MYO16: variants seen among roughly 807,000 people sequenced by gnomAD.
MYO16 encodes myosin XVI, also known as unconventional myosin-XVI.
MYO16 carries 94 observed loss-of-function variants against 205.3 expected under a neutral mutation model. The ratio of observed to expected loss-of-function variants is 0.46; its 90% confidence interval spans 0.39 to 0.54. The LOEUF is 0.54. Ranked by LOEUF, MYO16 falls within the 20% of genes least tolerant of loss-of-function variation. The pLI is 0.00. For synonymous variants in MYO16, 988 were observed against 954.0 expected, an observed-to-expected ratio of 1.04 and a Z score of -0.66; for missense variants, 2,315 against 2,387.5, an observed-to-expected ratio of 0.97 and a Z score of 0.63.
At chr13:109,050,988 A>G (rs1887229105) in intron 24 of MYO16, among the ~76,000 whole-genome samples, 1 of 152,158 alleles carries the variant, frequency 6.6e-6, no homozygotes, top group Non-Finnish European at 1.5e-5. Context: ...TTAGAAAAGA[A>G]TGGTATTCAG....
At chr13:109,169,995 A>G (rs61969366) in intron 33 of MYO16, among the ~76,000 whole-genome samples, 37,421 of 152,098 alleles carry the variant, frequency 0.25, 5,288 homozygotes, top group South Asian at 0.35. Flanking sequence ...AATTCCTGAT[A>G]GATTATAGAT....
At chr13:108,684,026 C>A (rs1882572051) in intron 2 of MYO16, among the ~76,000 whole-genome samples, 2 of 152,196 alleles carry the variant, frequency 1.3e-5, no homozygotes, top group African/African-American at 2.4e-5. Context: ...CAGACATGTG[C>A]CACCACACCC....
intron 33 of MYO16, among the ~76,000 whole-genome samples, chr13:109,174,908 C>CG (rs1879095958): frequency 7.4e-6 from 1 of 136,018 alleles, no homozygotes; most frequent in Non-Finnish European, 1.7e-5. Flanking sequence ...CATGCCACCA[C>CG]ATTTTTTTTT....
intron 12 of MYO16, among the ~76,000 whole-genome samples, chr13:108,875,394 A>G (rs1879277007): frequency 6.6e-6 from 1 of 152,188 alleles, no homozygotes; most frequent in African/African-American, 2.4e-5. Flanking sequence ...CATAAGTGGA[A>G]ATCCTCAAAG....
chr13:108,836,890 G>A (rs1303218289), intron 9 of MYO16, among the ~76,000 whole-genome samples: 3 of 152,120 alleles, frequency 2.0e-5, no homozygotes, highest in Non-Finnish European at 4.4e-5. Flanking sequence ...ATAGATGGTG[G>A]GGACTTACCT....
chr13:108,905,809 C>A (rs1207878944), intron 15 of MYO16, among the ~76,000 whole-genome samples: 1 of 152,136 alleles, frequency 6.6e-6, no homozygotes, highest in Non-Finnish European at 1.5e-5. Context: ...TTGTAAAGGA[C>A]TGGAAGACAT....
the MYO16 span, among the ~76,000 whole-genome samples, chr13:108,541,400 G>A: frequency 6.7e-6 from 1 of 149,906 alleles, no homozygotes; most frequent in African/African-American, 2.4e-5. Context: ...ATTAATTTTT[G>A]TATTTTATAA....
chr13:108,962,496 G>T lies in MYO16; in HGVS notation c.2227+1G>T. 6.4e-7 allele frequency: 1 copy of T among 1,568,290 alleles called. No individual in the cohort carries two copies. The highest frequency in any genetic ancestry group is 8.6e-7 in the Non-Finnish European group (1 of 1,158,950). On this transcript the variant is annotated splice_donor_variant, in intron 19 of 34. Transcript: ENST00000457511. LOFTEE classifies it high-confidence loss of function. ...ACAACTGATATTCAATATTTTAAAG[G>T]TAATTTTTTTATGCTCTAACATCTT...
chr13:108,772,999 T>A (rs1293725272), intron 4 of MYO16, among the ~76,000 whole-genome samples: 3 of 152,146 alleles, frequency 2.0e-5, no homozygotes, highest in African/African-American at 7.2e-5. Context: ...GGCTGGGAAA[T>A]CCAAGATCAA....
chr13:108,495,751 T>C, the MYO16 span, among the ~76,000 whole-genome samples: 2 of 150,254 alleles, frequency 1.3e-5, no homozygotes, highest in Non-Finnish European at 3.0e-5. Flanking sequence ...GCCGAGCGGG[T>C]GGCGGAGCAG....
At chr13:108,703,624 C>A (rs1467005552) in intron 2 of MYO16, among the ~76,000 whole-genome samples, 1 of 152,136 alleles carries the variant, frequency 6.6e-6, no homozygotes, top group African/African-American at 2.4e-5. Context: ...GTGCATGAAA[C>A]ATTCTCCAGG....
At chr13:108,886,579 TGCTGGCGGCTCCACC>T in intron 13 of MYO16, 1 of 438,902 alleles carries the variant, frequency 2.3e-6, no homozygotes, top group Non-Finnish European at 4.6e-6. Flanking sequence ...GGGCGCAAAC[TGCTGGCGGCTCCACC>T]CCCCGTCCTT....
intron 10 of MYO16, among the ~76,000 whole-genome samples, chr13:108,844,980 C>G (rs1219314324): frequency 6.6e-6 from 1 of 151,826 alleles, no homozygotes. Flanking sequence ...TGTCTGGTGC[C>G]TAAGTTATGG....
At chr13:108,995,789 A>G (rs959568441) in intron 21 of MYO16, among the ~76,000 whole-genome samples, 5 of 152,178 alleles carry the variant, frequency 3.3e-5, no homozygotes, top group African/African-American at 9.7e-5. Flanking sequence ...TTATGGCTGC[A>G]TAGTATTCCA....
At chr13:108,496,546 CG>C in the MYO16 span, among the ~76,000 whole-genome samples, 3 of 152,082 alleles carry the variant, frequency 2.0e-5, no homozygotes, top group African/African-American at 7.2e-5. Context: ...CAGTCTCACC[CG>C]GGGGGCGTCG....
At chr13:108,848,668 C>T (rs375023109) in intron 10 of MYO16, among the ~76,000 whole-genome samples, 6 of 151,994 alleles carry the variant, frequency 3.9e-5, no homozygotes, top group South Asian at 2.1e-4. Flanking sequence ...GGTTTGGTGG[C>T]GCAGGGCCTG....
rs1303052249 is a variant in MYO16 at position 109,162,359 on chromosome 13, A to C, written c.5165-2542A>C. 6.6e-6 allele frequency among the ~76,000 whole-genome samples: 1 copy of C among 152,174 alleles called. No homozygotes were observed. The highest frequency in any genetic ancestry group is 2.4e-5 in the African/African-American group (1 of 41,434). On this transcript the variant is annotated intron_variant, in intron 32 of 34. Transcript: ENST00000457511. The surrounding 1 kb of genome is among the most constrained non-coding windows in gnomAD (Gnocchi z 4.6). ...TTGGGGAAGCCCTCACTGCGCTGAG[A>C]ATAAAACCTCTCAGTTCCTCTTTGG... is the stretch of plus-strand genomic sequence containing the variant.
chr13:108,542,786 G>T, the MYO16 span, among the ~76,000 whole-genome samples: 1 of 151,924 alleles, frequency 6.6e-6, no homozygotes, highest in Non-Finnish European at 1.5e-5. Context: ...CTGGAATAAA[G>T]CCATGAATCA....
intron 9 of MYO16, among the ~76,000 whole-genome samples, chr13:108,829,710 C>T (rs1876492745): frequency 6.6e-6 from 1 of 152,124 alleles, no homozygotes; most frequent in Non-Finnish European, 1.5e-5. Context: ...CCCAGGGTGG[C>T]CTCAGCCAAG....
Sources: gnomAD v4.1 joint callset for allele counts (sites outside exome capture counted in the v4.1 genomes callset) on GRCh38, gnomAD v4.1.1 for gene constraint, Gnocchi (gnomAD v3.1) non-coding constraint, MANE v1.5 for transcripts, NCBI Gene and HGNC (gene_info 2026-07-23, HGNC 2026-07-21) for gene names.